The following COL6A6 variants were observed in gnomAD, a reference collection of about 807,000 sequenced individuals.
COL6A6 encodes collagen alpha-6(VI) chain.
A neutral mutation model predicts 208.6 loss-of-function variants in COL6A6; 183 were observed. The observed-to-expected ratio is 0.88, with a 90% confidence interval of 0.78 to 0.99. COL6A6 has a LOEUF of 0.99. Ranked by LOEUF, COL6A6 falls within the 50% of genes least tolerant of loss-of-function variation. The pLI is 0.00. For missense variants in COL6A6, 2,816 were observed against 2,815.2 expected, an observed-to-expected ratio of 1.00 and a Z score of -0.01; for synonymous variants, 973 against 1,011.8, an observed-to-expected ratio of 0.96 and a Z score of 0.73.
intron 32 of COL6A6, among the ~76,000 whole-genome samples, chr3:130,647,701 C>T (rs1366942525): frequency 6.6e-6 from 1 of 152,208 alleles, no homozygotes; most frequent in East Asian, 1.9e-4. Flanking sequence ...GTCTCCTTGC[C>T]AGCCTACGTG....
chr3:130,538,682 C>G (rs2062281856), intron 1 of COL6A6, among the ~76,000 whole-genome samples: 1 of 152,134 alleles, frequency 6.6e-6, no homozygotes, highest in South Asian at 2.1e-4. Context: ...CAGTCTGATG[C>G]CAGAATCCAT....
At position 130,593,234 on chromosome 3, in the gene COL6A6, G is replaced by A; in HGVS notation, c.4452G>A (p.Lys1484=). The A allele has an allele frequency of 6.2e-7, 1 of 1,612,524 alleles. No individual in the cohort carries two copies. The highest frequency in any genetic ancestry group is 8.5e-7 in the Non-Finnish European group (1 of 1,178,586). Residue 1484 remains lysine (K), a synonymous_variant, in exon 17 of 37, where the codon AAG becomes AAA. Transcript: ENST00000358511. ...GTCTTCCTGGAAGAAAAGGAGAAAA[G>A]GGAGATGAGGGATCTCAGGTAGGGA... ...DNGLPGRKGE[K]GDEGSQGSPG... is the part of the protein sequence containing the mutation.
chr3:130,544,866 T>G (rs2062454934), intron 1 of COL6A6, among the ~76,000 whole-genome samples: 1 of 152,230 alleles, frequency 6.6e-6, no homozygotes, highest in Non-Finnish European at 1.5e-5. Context: ...TTTACCCATT[T>G]TTTATTCAGG....
At chr3:130,562,206 A>T (rs1035118481) in intron 2 of COL6A6, among the ~76,000 whole-genome samples, 1 of 152,226 alleles carries the variant, frequency 6.6e-6, no homozygotes, top group African/African-American at 2.4e-5. Context: ...TTTGAATCCA[A>T]TGATTCTATA....
At chr3:130,577,798 T>C (rs1009975226) in intron 8 of COL6A6, among the ~76,000 whole-genome samples, 1 of 152,222 alleles carries the variant, frequency 6.6e-6, no homozygotes, top group Non-Finnish European at 1.5e-5. Context: ...TGGAAGTATA[T>C]GGTAAGTGTT....
chr3:130,661,489 T>A, intron 34 of COL6A6, 148 bp from the exon 35 acceptor site: 1 of 643,594 alleles, frequency 1.6e-6, no homozygotes, highest in Non-Finnish European at 2.6e-6. Flanking sequence ...GCAAACCATG[T>A]ACTAGGAAAT....
chr3:130,642,623 C>T, intron 29 of COL6A6, among the ~76,000 whole-genome samples: 1 of 152,182 alleles, frequency 6.6e-6, no homozygotes, highest in East Asian at 1.9e-4. Context: ...GGCTTGTGTG[C>T]ACCAAGCTTG....
intron 22 of COL6A6, among the ~76,000 whole-genome samples, 185 bp from the exon 23 acceptor site, chr3:130,610,464 A>G (rs982173724): frequency 6.6e-6 from 1 of 152,182 alleles, no homozygotes; most frequent in African/African-American, 2.4e-5. Flanking sequence ...TTCAGATTGG[A>G]CATTCATATT....
intron 1 of COL6A6, among the ~76,000 whole-genome samples, chr3:130,533,567 TA>T (rs201097837): frequency 6.6e-6 from 1 of 152,280 alleles, no homozygotes; most frequent in South Asian, 2.1e-4. Flanking sequence ...TCAGACTTTT[TA>T]AAAAAATAAA....
intron 1 of COL6A6, among the ~76,000 whole-genome samples, chr3:130,538,739 A>G (rs2062283370): frequency 6.6e-6 from 1 of 152,170 alleles, no homozygotes; most frequent in Non-Finnish European, 1.5e-5. Flanking sequence ...ATCCTAGTAT[A>G]ATTGGAGTGT....
chr3:130,609,049 A>C, intron 22 of COL6A6, 85 bp downstream of exon 22: 1 of 971,692 alleles, frequency 1.0e-6, no homozygotes, highest in Non-Finnish European at 1.6e-6. Flanking sequence ...GAAACCTTCA[A>C]ATCTCCCTTG....
At chr3:130,644,750 G>T (rs1353742699) in intron 31 of COL6A6, among the ~76,000 whole-genome samples, 1 of 152,144 alleles carries the variant, frequency 6.6e-6, no homozygotes, top group Non-Finnish European at 1.5e-5. Flanking sequence ...CTTGACAGCT[G>T]GCTGCAGGCC....
At chr3:130,673,217 C>CAAAAAAAAAAAA (rs1211498711) in intron 36 of COL6A6, among the ~76,000 whole-genome samples, 1 of 57,630 alleles carries the variant, frequency 1.7e-5, no homozygotes, top group African/African-American at 1.5e-4. Context: ...ACAAAAAAAA[C>CAAAAAAAAAAAA]AAAAAAAAAA....
intron 1 of COL6A6, among the ~76,000 whole-genome samples, chr3:130,553,080 T>G (rs991625758): frequency 3.3e-5 from 5 of 152,182 alleles, no homozygotes; most frequent in Non-Finnish European, 7.3e-5. Flanking sequence ...TTAACATTTT[T>G]TTTCTTTCAT....
intron 36 of COL6A6, among the ~76,000 whole-genome samples, chr3:130,668,603 A>C (rs1353485752): frequency 6.6e-6 from 1 of 152,242 alleles, no homozygotes; most frequent in Admixed American, 6.5e-5. Flanking sequence ...TAAAGGTAGA[A>C]TAGCTATATT....
intron 9 of COL6A6, 40 bp downstream of exon 9, chr3:130,581,944 A>G (rs368052196): frequency 2.4e-4 from 377 of 1,592,190 alleles, no homozygotes; most frequent in Admixed American, 3.3e-4. Context: ...TATGATTGCA[A>G]TGAACCCTTT....
chr3:130,643,144 T>C (rs1009132542), intron 31 of COL6A6, 121 bp downstream of exon 31: 2 of 1,055,088 alleles, frequency 1.9e-6, no homozygotes, highest in Non-Finnish European at 2.8e-6. Flanking sequence ...TGTCACTGCA[T>C]GTATTTTTGA....
chr3:130,610,658 G>A lies in COL6A6; in HGVS notation c.4762G>A (p.Gly1588Arg), dbSNP rs1237847928. Residue 1588 changes from glycine to arginine, a missense_variant, in exon 23 of 37, where the codon GGA becomes AGA. Gly to Arg is a moderately radical substitution (Grantham distance 125). Coordinates refer to ENST00000358511, the MANE Select transcript of COL6A6 (RefSeq NM_001102608.3). ...LGLKGPQGPR[G>R]EAGVKGEKGG... ...AATTCTATGTACTTAGGGCCCAAGA[G>A]GAGAGGCTGGTGTGAAAGGAGAAAA... The A allele has an allele frequency of 3.1e-6, 5 of 1,589,970 alleles. 1 individual carries two copies. The highest frequency in any genetic ancestry group is 2.3e-5 in the South Asian group (2 of 86,624).
chr3:130,592,952 C>G, intron 15 of COL6A6, 109 bp from the exon 16 acceptor site: 1 of 1,038,514 alleles, frequency 9.6e-7, no homozygotes, highest in Non-Finnish European at 1.5e-6. Flanking sequence ...CAGGCCCAGC[C>G]TCACAAGGAG....
Sources: gnomAD v4.1 joint callset for allele counts (sites outside exome capture counted in the v4.1 genomes callset) on GRCh38, gnomAD v4.1.1 for gene constraint, MANE v1.5 for transcripts, NCBI Gene and HGNC (gene_info 2026-07-23, HGNC 2026-07-21) for gene names.